The following UBE2E2 variants were observed in gnomAD, a reference collection of about 807,000 sequenced individuals.
UBE2E2 encodes the protein ubiquitin-conjugating enzyme E2 E2.
In UBE2E2, 6 loss-of-function variants were observed where a neutral mutation model predicts 24.7. The observed-to-expected ratio is 0.24, with a 90% CI of 0.13 to 0.48. The LOEUF (loss-of-function observed/expected upper bound fraction) is 0.48, where lower values mean the gene tolerates loss of function less well. Ranked by LOEUF, UBE2E2 falls within the 20% of genes least tolerant of loss-of-function variation. The pLI is 0.99. For missense variants in UBE2E2, 169 were observed against 245.0 expected (o/e 0.69, Z 2.07); for synonymous variants, 104 against 83.6 (o/e 1.24, Z -1.33).
At chr3:23,465,415 T>C (rs781027315) in intron 3 of UBE2E2, among the ~76,000 whole-genome samples, 3 of 152,200 alleles carry the variant, frequency 2.0e-5, no homozygotes, top group Non-Finnish European at 2.9e-5. Flanking sequence ...AAAAGACCTA[T>C]TGTCATAAAA....
chr3:23,564,960 C>G (rs1034298178), intron 5 of UBE2E2, among the ~76,000 whole-genome samples: 9 of 152,082 alleles, frequency 5.9e-5, no homozygotes, highest in Non-Finnish European at 1.3e-4. Context: ...GGAAAAGGTG[C>G]AGTTGTGTGC....
intron 3 of UBE2E2, among the ~76,000 whole-genome samples, chr3:23,450,610 G>T (rs1028048491): frequency 6.6e-6 from 1 of 152,002 alleles, no homozygotes; most frequent in Non-Finnish European, 1.5e-5. Context: ...CACCAACATT[G>T]CCCTTATGTA....
At chr3:23,513,438 G>A (rs577539755) in intron 4 of UBE2E2, among the ~76,000 whole-genome samples, 1 of 152,048 alleles carries the variant, frequency 6.6e-6, no homozygotes, top group East Asian at 1.9e-4. Context: ...TTGAACAAGT[G>A]TACCATAAGT....
intron 4 of UBE2E2, among the ~76,000 whole-genome samples, chr3:23,510,283 G>T (rs1433065990): frequency 6.6e-6 from 1 of 152,152 alleles, no homozygotes; most frequent in African/African-American, 2.4e-5. Flanking sequence ...GAGAAACAAA[G>T]TCAGACAGTC....
intron 3 of UBE2E2, among the ~76,000 whole-genome samples, chr3:23,247,769 T>C (rs1006679822): frequency 2.6e-5 from 4 of 152,216 alleles, no homozygotes; most frequent in African/African-American, 9.6e-5. Context: ...CCACTGCCAC[T>C]CTACCCCAGA....
chr3:23,517,378 A>G (rs1414815415), intron 4 of UBE2E2, among the ~76,000 whole-genome samples: 9 of 152,194 alleles, frequency 5.9e-5, no homozygotes, highest in Non-Finnish European at 4.4e-5. Context: ...ACATTTCCCT[A>G]CATAAGCTTT....
intron 3 of UBE2E2, among the ~76,000 whole-genome samples, chr3:23,240,452 C>T (rs111419589): frequency 6.6e-6 from 1 of 152,158 alleles, no homozygotes; most frequent in African/African-American, 2.4e-5. Context: ...CTTTTACTAT[C>T]AATACTCAGT....
At chr3:23,439,510 G>A (rs1698252297) in intron 3 of UBE2E2, among the ~76,000 whole-genome samples, 1 of 152,174 alleles carries the variant, frequency 6.6e-6, no homozygotes, top group South Asian at 2.1e-4. Context: ...AAGCAAGTGA[G>A]CCCTGGGGAT....
At chr3:23,463,552 A>G (rs1018291062) in intron 3 of UBE2E2, among the ~76,000 whole-genome samples, 20 of 152,064 alleles carry the variant, frequency 1.3e-4, no homozygotes, top group African/African-American at 2.4e-5. Flanking sequence ...TTGACTTGAG[A>G]TGACCTGACT....
chr3:23,229,621 T>C (rs1377151887), intron 3 of UBE2E2, among the ~76,000 whole-genome samples: 1 of 152,210 alleles, frequency 6.6e-6, no homozygotes, highest in Non-Finnish European at 1.5e-5. Context: ...GATTTCAACC[T>C]TGTTTCTGAC....
At chr3:23,417,814 G>A (rs1186281607) in intron 3 of UBE2E2, among the ~76,000 whole-genome samples, 1 of 152,190 alleles carries the variant, frequency 6.6e-6, no homozygotes, top group Non-Finnish European at 1.5e-5. Context: ...AGCTGTGGTG[G>A]GCCCTACCCA....
intron 3 of UBE2E2, 132 bp downstream of exon 3, chr3:23,217,444 C>A: frequency 1.2e-6 from 1 of 800,130 alleles, no homozygotes; most frequent in Non-Finnish European, 2.0e-6. Context: ...ACTTAAGTGA[C>A]TGTGGAAGAC....
chr3:23,532,593 AG>A lies in UBE2E2; in HGVS notation c.401del (p.Ser134ThrfsTer4). On this transcript the variant is annotated frameshift_variant, in exon 5 of 6. Coordinates refer to ENST00000396703, the MANE Select transcript of UBE2E2 (RefSeq NM_152653.4). LOFTEE classifies it high-confidence loss of function. ...RTRIYHCNIN[S>X]QGVICLDILK... is the part of the protein sequence containing the mutation. ...AAGAATCTATCACTGTAATATTAAC[AG>A]CCAAGGTGTGATCTGTCTGGACATC... is the stretch of plus-strand genomic sequence containing the variant. 6.4e-7 allele frequency: 1 copy of A among 1,556,032 alleles called. No homozygotes were observed. The highest frequency in any genetic ancestry group is 8.8e-7 in the Non-Finnish European group (1 of 1,140,274).
chr3:23,548,234 C>G (rs1695567789), intron 5 of UBE2E2, among the ~76,000 whole-genome samples: 1 of 152,180 alleles, frequency 6.6e-6, no homozygotes, highest in East Asian at 1.9e-4. Flanking sequence ...TCTTTCACAA[C>G]TAGAACATCA....
At chr3:23,388,875 G>A (rs1210366863) in intron 3 of UBE2E2, among the ~76,000 whole-genome samples, 1 of 151,854 alleles carries the variant, frequency 6.6e-6, no homozygotes, top group Non-Finnish European at 1.5e-5. Context: ...TGGGGCACAT[G>A]CCTGTAATCC....
rs2125524954 is a variant in UBE2E2 at position 23,590,511 on chromosome 3, G to T, written c.*680G>T. On this transcript the variant is annotated 3_prime_UTR_variant, in exon 6 of 6. Coordinates refer to ENST00000396703, the MANE Select transcript of UBE2E2 (RefSeq NM_152653.4). ...AATTTCTTAGGGACCTGCCACTTTT[G>T]ACTGTGGATCAGTTGATGTACACTT... 1 of 152,732 alleles carries T rather than the reference G, an allele frequency of 6.5e-6. No individual in the cohort carries two copies. The highest frequency in any genetic ancestry group is 2.1e-4 in the South Asian group (1 of 4,824). The allele number at this position is 152,732 out of a possible 1,614,324, so 9.5% of individuals were successfully genotyped here. A position where few individuals can be genotyped will look rare whatever the true frequency, so the allele number is the denominator to read the frequency against.
intron 3 of UBE2E2, among the ~76,000 whole-genome samples, chr3:23,307,673 T>C (rs559997830): frequency 6.6e-6 from 1 of 152,282 alleles, no homozygotes; most frequent in Non-Finnish European, 1.5e-5. Context: ...TATTTTTATA[T>C]TGATATAGAT....
intron 3 of UBE2E2, among the ~76,000 whole-genome samples, chr3:23,279,161 A>G (rs986166184): frequency 2.0e-5 from 3 of 152,174 alleles, no homozygotes; most frequent in Non-Finnish European, 4.4e-5. Flanking sequence ...TGTATCATTC[A>G]TTAATTTTCA....
At chr3:23,362,754 G>C (rs1696152834) in intron 3 of UBE2E2, among the ~76,000 whole-genome samples, 1 of 152,156 alleles carries the variant, frequency 6.6e-6, no homozygotes, top group Non-Finnish European at 1.5e-5. Context: ...CTGGACAAAA[G>C]GGAGAGTGAC....
Sources: gnomAD v4.1 joint callset for allele counts (sites outside exome capture counted in the v4.1 genomes callset) on GRCh38, gnomAD v4.1.1 for gene constraint, MANE v1.5 for transcripts, NCBI Gene and HGNC (gene_info 2026-07-23, HGNC 2026-07-21) for gene names.